The following GNG2 variants were observed in gnomAD, a reference collection of about 807,000 sequenced individuals.
GNG2 encodes the protein G protein subunit gamma 2.
Under a neutral mutation model 5.5 loss-of-function variants are expected in GNG2, and 5 were observed. The observed-to-expected ratio is 0.91, with a 90% CI of 0.48 to 1.92. The LOEUF (loss-of-function observed/expected upper bound fraction) is 1.92, where lower values mean the gene tolerates loss of function less well. Ranked by LOEUF, GNG2 falls within the 30% of genes most tolerant of loss-of-function variation. The probability of loss-of-function intolerance (pLI) is 0.01; values close to 1 mark genes in which losing one functional copy is unlikely to be tolerated. For synonymous variants in GNG2, 28 were observed against 32.0 expected, an observed-to-expected ratio of 0.88 and a Z score of 0.42; for missense variants, 55 against 88.4, an observed-to-expected ratio of 0.62 and a Z score of 1.52.
intron 2 of GNG2, among the ~76,000 whole-genome samples, chr14:51,947,260 C>G (rs2140277982): frequency 6.6e-6 from 1 of 152,274 alleles, no homozygotes; most frequent in Middle Eastern, 3.4e-3. Context: ...ATTCCCAGAA[C>G]CTAGAAATAC....
intron 2 of GNG2, among the ~76,000 whole-genome samples, chr14:51,835,194 A>G (rs949169231): frequency 1.3e-5 from 2 of 152,224 alleles, no homozygotes; most frequent in African/African-American, 2.4e-5. Flanking sequence ...AGAGTCAACA[A>G]TTACTGTAAG....
At chr14:51,859,806 C>A (rs116240110), upstream of GNG2, among the ~76,000 whole-genome samples, 985 of 152,244 alleles carry the variant, frequency 6.5e-3, 14 homozygotes, top group African/African-American at 0.023. Context: ...TTCAGCCCTA[C>A]TAGTGTGTGT....
intron 2 of GNG2, among the ~76,000 whole-genome samples, chr14:51,886,740 C>G (rs903724716): frequency 6.6e-6 from 1 of 152,124 alleles, no homozygotes; most frequent in Non-Finnish European, 1.5e-5. Flanking sequence ...CCCCAGGAAA[C>G]AAATAACCTG....
chr14:51,874,708 G>A (rs912121085), intron 1 of GNG2, among the ~76,000 whole-genome samples: 7 of 151,536 alleles, frequency 4.6e-5, no homozygotes, highest in Middle Eastern at 3.4e-3. Flanking sequence ...GCATTCTAGC[G>A]TGGGTGACAG....
chr14:51,831,339 G>A (rs1042539728), intron 2 of GNG2, among the ~76,000 whole-genome samples: 1 of 152,188 alleles, frequency 6.6e-6, no homozygotes, highest in Non-Finnish European at 1.5e-5. Context: ...ATAATCTGCA[G>A]GAGGATGGGA....
At chr14:51,940,921 A>G (rs1296135961) in intron 2 of GNG2, among the ~76,000 whole-genome samples, 1 of 152,190 alleles carries the variant, frequency 6.6e-6, no homozygotes, top group African/African-American at 2.4e-5. Context: ...GCCACTATTG[A>G]TAAGTTCACT....
intron 2 of GNG2, among the ~76,000 whole-genome samples, chr14:51,944,870 A>G (rs1187000653): frequency 6.6e-6 from 1 of 152,234 alleles, no homozygotes; most frequent in Non-Finnish European, 1.5e-5. Flanking sequence ...AAGAGTAAAT[A>G]TTTGTAAACC....
chr14:51,896,977 A>G (rs1045749374), intron 2 of GNG2, among the ~76,000 whole-genome samples: 3 of 152,232 alleles, frequency 2.0e-5, no homozygotes, highest in African/African-American at 7.2e-5. Flanking sequence ...AGCCATCACA[A>G]ATAATAAAGT....
chr14:51,899,912 C>A (rs1173289112), intron 2 of GNG2, among the ~76,000 whole-genome samples: 1 of 152,208 alleles, frequency 6.6e-6, no homozygotes, highest in African/African-American at 2.4e-5. Context: ...ATTCACCCAT[C>A]AATGGACACT....
intron 2 of GNG2, among the ~76,000 whole-genome samples, chr14:51,889,004 C>G (rs975711203): frequency 1.3e-5 from 2 of 151,838 alleles, no homozygotes; most frequent in Non-Finnish European, 2.9e-5. Flanking sequence ...ACTGAAATGT[C>G]CAGAATAGAC....
rs34653524 is a variant in GNG2, at chr14:51,966,209, C to CAAAAAAAAAAAA, written c.88-333_88-322dup. Among the ~76,000 whole-genome samples the CAAAAAAAAAAAA allele has an allele frequency of 1.1e-3, 31 of 28,132 alleles. 2 individuals carry two copies. Among genetic ancestry groups the CAAAAAAAAAAAA allele is most frequent in the Non-Finnish European group, 1.0e-3 (18 of 17,396 alleles). 18.5% of individuals were successfully genotyped at this position (28,132 alleles called of 152,430 possible). A position where few individuals can be genotyped will look rare whatever the true frequency, so the allele number is the denominator to read the frequency against. On this transcript the variant is annotated intron_variant, in intron 3 of 3. Coordinates refer to ENST00000556766, the MANE Select transcript of GNG2 (RefSeq NM_053064.5). The stretch of plus-strand genomic sequence containing the variant: ...TGGGCAACAGAGCGAGACTGCATCT[C>CAAAAAAAAAAAA]AAAAAAAAAAAAAAAAAAAAAAAAA...
chr14:51,949,415 G>A lies in GNG2; in HGVS notation c.-29-1235G>A, dbSNP rs191841416. ...TAAAAAAAATCTATGTACAGAATTT[G>A]TTACGGGTTATTCTTCATTTTCCAG... On this transcript the variant is annotated intron_variant, in intron 2 of 3. Coordinates refer to ENST00000556766, the MANE Select transcript of GNG2 (RefSeq NM_053064.5). Among the ~76,000 whole-genome samples the A allele has an allele frequency of 5.3e-5, 8 of 152,224 alleles. No individual in the cohort carries two copies. The East Asian group carries it at 1.5e-3, about 29-fold the overall frequency.
At chr14:51,878,351 A>G (rs1883816220) in intron 2 of GNG2, among the ~76,000 whole-genome samples, 1 of 152,206 alleles carries the variant, frequency 6.6e-6, no homozygotes, top group Non-Finnish European at 1.5e-5. Flanking sequence ...AGTAGAGAGA[A>G]TAATATAATG....
chr14:51,861,324 AGT>A (rs1432354956), intron 1 of GNG2: 1 of 152,228 alleles, frequency 6.6e-6, no homozygotes, highest in Non-Finnish European at 1.5e-5. Flanking sequence ...ATTAAAAAAC[AGT>A]GTCTTCCTCC....
chr14:51,883,607 G>C (rs1486143289), intron 2 of GNG2, among the ~76,000 whole-genome samples: 1 of 152,162 alleles, frequency 6.6e-6, no homozygotes, highest in Non-Finnish European at 1.5e-5. Context: ...GAATTTATGA[G>C]TTTAAAATCA....
rs117232647 is a variant in GNG2, at chr14:51,963,136, A to T, written c.88-3423A>T. On this transcript the variant is annotated intron_variant, in intron 3 of 3. Transcript: ENST00000556766. ...AGCAATTATTCTAATTACTGCTGGG[A>T]TTCTGACACTGTTGGAGCATTGCCC... Among the ~76,000 whole-genome samples the T allele has an allele frequency of 4.9e-3, 746 of 152,366 alleles. 4 individuals are homozygous for T. The highest frequency in any genetic ancestry group is 8.2e-3 in the Non-Finnish European group (560 of 68,034).
chr14:51,883,916 T>A (rs1297182503), intron 2 of GNG2, among the ~76,000 whole-genome samples: 1 of 152,146 alleles, frequency 6.6e-6, no homozygotes, highest in Non-Finnish European at 1.5e-5. Flanking sequence ...TTTTTAATCA[T>A]GAAAGAAATT....
At chr14:51,933,621 G>T (rs1253705) in intron 2 of GNG2, among the ~76,000 whole-genome samples, 1 of 152,132 alleles carries the variant, frequency 6.6e-6, no homozygotes, top group Non-Finnish European at 1.5e-5. Flanking sequence ...AAAACTGCAA[G>T]AATCGAGTCC....
chr14:51,940,734 T>A (rs1888271341), intron 2 of GNG2, among the ~76,000 whole-genome samples: 1 of 152,206 alleles, frequency 6.6e-6, no homozygotes, highest in Non-Finnish European at 1.5e-5. Flanking sequence ...GCTTAGTGAC[T>A]GAGAAGCCAA....
Sources: gnomAD v4.1 joint callset for allele counts (sites outside exome capture counted in the v4.1 genomes callset) on GRCh38, gnomAD v4.1.1 for gene constraint, MANE v1.5 for transcripts, NCBI Gene and HGNC (gene_info 2026-07-23, HGNC 2026-07-21) for gene names.